CCDC192: variants seen among roughly 807,000 people sequenced by gnomAD.
CCDC192 encodes coiled-coil domain containing 192.
At chr5:127,913,367 C>T (rs1753429580) in intron 6 of CCDC192, among the ~76,000 whole-genome samples, 1 of 152,222 alleles carries the variant, frequency 6.6e-6, no homozygotes, top group South Asian at 2.1e-4. Flanking sequence ...GATAAACCTA[C>T]GTTTACCTCT....
chr5:127,704,879 AAATAAATC>A (rs1379608091), intron 1 of CCDC192, among the ~76,000 whole-genome samples: 2 of 132,968 alleles, frequency 1.5e-5, no homozygotes, highest in Admixed American at 7.2e-5. Flanking sequence ...ATAAATAAAT[AAATAAATC>A]ATTTATTCAC....
intron 2 of CCDC192, among the ~76,000 whole-genome samples, chr5:127,743,410 A>T (rs1201265214): frequency 6.6e-6 from 1 of 152,158 alleles, no homozygotes; most frequent in Non-Finnish European, 1.5e-5. Context: ...GTAGCCATCT[A>T]TTTCCTGCTG....
intron 2 of CCDC192, among the ~76,000 whole-genome samples, 193 bp from the exon 3 acceptor site, chr5:127,754,075 T>C (rs754509547): frequency 6.6e-6 from 1 of 152,234 alleles, no homozygotes; most frequent in Non-Finnish European, 1.5e-5. Flanking sequence ...TTACTTTGTA[T>C]ATTTTAAATG....
At chr5:127,738,577 G>A (rs371995527) in intron 2 of CCDC192, among the ~76,000 whole-genome samples, 5 of 145,728 alleles carry the variant, frequency 3.4e-5, no homozygotes, top group African/African-American at 1.3e-4. Flanking sequence ...CCAATCAGAC[G>A]TAGATTTGGT....
chr5:127,938,017 G>C (rs1754232941), intron 6 of CCDC192, among the ~76,000 whole-genome samples: 1 of 151,572 alleles, frequency 6.6e-6, no homozygotes, highest in South Asian at 2.1e-4. Flanking sequence ...CCTGCCCCCT[G>C]CTGAGGCCCT....
At chr5:127,940,434 CT>C (rs2126345142) in intron 6 of CCDC192, 1 of 132,620 alleles carries the variant, frequency 7.5e-6, no homozygotes, top group African/African-American at 2.7e-5. Flanking sequence ...CAATGGCAAC[CT>C]TTTCGTTATT....
intron 5 of CCDC192, among the ~76,000 whole-genome samples, chr5:127,832,208 C>T (rs1364299125): frequency 6.6e-6 from 1 of 152,134 alleles, no homozygotes; most frequent in Non-Finnish European, 1.5e-5. Context: ...TACAATTTCA[C>T]ACTCATCTGA....
chr5:127,925,060 G>T (rs1369185608), intron 6 of CCDC192, among the ~76,000 whole-genome samples: 1 of 136,910 alleles, frequency 7.3e-6, no homozygotes, highest in East Asian at 2.9e-4. Flanking sequence ...AACAACAGAA[G>T]CATTTTGCTG....
chr5:127,852,670 A>AGAC (rs373163172), intron 5 of CCDC192, among the ~76,000 whole-genome samples: 127 of 152,240 alleles, frequency 8.3e-4, no homozygotes, highest in African/African-American at 3.0e-3. Context: ...CAGGAGGGAG[A>AGAC]GACACTTTGT....
At position 127,857,990 on chromosome 5, in the gene CCDC192, G is replaced by A. The variant is rs116034456; in HGVS notation, c.412-17548G>A. Among the ~76,000 whole-genome samples, 818 of 152,218 alleles carry A rather than the reference G, an allele frequency of 5.4e-3. 12 individuals carry two copies. Among genetic ancestry groups the A allele is most frequent in the African/African-American group, 0.019 (785 of 41,542 alleles). On this transcript the variant is annotated intron_variant, in intron 5 of 6. Transcript: ENST00000514853. ...GCCAATTTGACACATAAAGTTAACC[G>A]TCATGCAGGGTGACAGCTCTAAGTC...
chr5:127,782,271 A>C (rs528190189), intron 3 of CCDC192, among the ~76,000 whole-genome samples: 16 of 152,062 alleles, frequency 1.1e-4, no homozygotes, highest in Non-Finnish European at 2.2e-4. Context: ...ATCGGTCTGT[A>C]GTTTCCTTTT....
At chr5:127,842,980 TAC>T (rs1343025222) in intron 5 of CCDC192, among the ~76,000 whole-genome samples, 1 of 151,742 alleles carries the variant, frequency 6.6e-6, no homozygotes, top group African/African-American at 2.4e-5. Flanking sequence ...TGTGATAGTG[TAC>T]ACTTTCTGCT....
chr5:127,844,158 A>G (rs149209896), intron 5 of CCDC192, among the ~76,000 whole-genome samples: 165 of 152,254 alleles, frequency 1.1e-3, no homozygotes, highest in Admixed American at 2.0e-3. Flanking sequence ...ATGGCATCTC[A>G]TAAGACAGGA....
chr5:127,912,408 C>T (rs1166844657), intron 6 of CCDC192, among the ~76,000 whole-genome samples: 5 of 52,900 alleles, frequency 9.5e-5, no homozygotes, highest in African/African-American at 4.6e-4. Context: ...AGAATAGATT[C>T]CTGGGTTTAG....
At chr5:127,710,748 G>A (rs889207395) in intron 2 of CCDC192, among the ~76,000 whole-genome samples, 1 of 152,084 alleles carries the variant, frequency 6.6e-6, no homozygotes, top group Non-Finnish European at 1.5e-5. Flanking sequence ...TCTTCCTATT[G>A]TTATAATTAC....
At chr5:127,755,168 T>C (rs1302580070) in intron 3 of CCDC192, among the ~76,000 whole-genome samples, 1 of 152,192 alleles carries the variant, frequency 6.6e-6, no homozygotes, top group African/African-American at 2.4e-5. Flanking sequence ...CCCTGCAATG[T>C]TAGAAATGTT....
At chr5:127,890,809 C>T (rs945063411) in intron 6 of CCDC192, among the ~76,000 whole-genome samples, 4 of 152,176 alleles carry the variant, frequency 2.6e-5, no homozygotes, top group Non-Finnish European at 5.9e-5. Context: ...TACTCATATT[C>T]CCTGTCTCCA....
chr5:127,786,014 T>G (rs1756517526), intron 3 of CCDC192: 1 of 599,510 alleles, frequency 1.7e-6, no homozygotes, highest in Non-Finnish European at 3.1e-6. Context: ...AGACCCTGAT[T>G]ATGAATCTGT....
At position 127,802,430 on chromosome 5, in the gene CCDC192, C is replaced by T. The variant is rs1285299447; in HGVS notation, c.411+4268C>T. 1.1e-4 allele frequency among the ~76,000 whole-genome samples: 17 copies of T among 152,120 alleles called. 1 individual carries two copies. The highest frequency in any genetic ancestry group is 8.3e-4 in the South Asian group (4 of 4,804). On this transcript the variant is annotated intron_variant, in intron 5 of 6. Coordinates refer to ENST00000514853, the MANE Select transcript of CCDC192 (RefSeq NM_001317938.2). ...CTGACCCCCTTTCCTGCCTCATCTC[C>T]ATCTCCATCTGCGACCCCCAAGTGC...
Sources: gnomAD v4.1 joint callset for allele counts (sites outside exome capture counted in the v4.1 genomes callset) on GRCh38, gnomAD v4.1.1 for gene constraint, MANE v1.5 for transcripts, NCBI Gene and HGNC (gene_info 2026-07-23, HGNC 2026-07-21) for gene names.